Variants in A1CF observed in about 807,000 individuals in gnomAD.
A1CF encodes APOBEC-1 stimulating protein.
In A1CF, 48 loss-of-function variants were observed where a neutral mutation model predicts 68.9. The observed-to-expected ratio is 0.70, with a 90% CI of 0.55 to 0.89. The LOEUF is 0.89. Ranked by LOEUF, A1CF falls within the 40% of genes least tolerant of loss-of-function variation. A1CF has a pLI of 0.00. For missense variants in A1CF, 653 were observed against 718.9 expected (o/e 0.91, Z 1.05); for synonymous variants, 272 against 260.4 (o/e 1.04, Z -0.43).
chr10:50,869,369 TA>T (rs1841145926), intron 1 of A1CF, among the ~76,000 whole-genome samples: 1 of 152,200 alleles, frequency 6.6e-6, no homozygotes, highest in Admixed American at 6.6e-5. Context: ...TAACTCATCT[TA>T]GCCATGACCT....
chr10:50,841,033 T>A (rs571762339), intron 5 of A1CF, among the ~76,000 whole-genome samples: 1 of 152,318 alleles, frequency 6.6e-6, no homozygotes, highest in African/African-American at 2.4e-5. Flanking sequence ...TGTCCAAATC[T>A]AGACAACTGC....
rs114028036 is a variant in A1CF at position 50,855,671 on chromosome 10, C to A, written c.99+4171G>T. 8.5e-3 allele frequency among the ~76,000 whole-genome samples: 1,290 copies of A among 152,016 alleles called. 15 individuals carry two copies. The highest frequency in any genetic ancestry group is 0.03 in the African/African-American group (1,228 of 41,508). ...CTGGGTCACGTTATTAAGTAACTCA[C>A]AAAATTCTATTTTTGATAGCTGTAT... On this transcript the variant is annotated intron_variant, in intron 3 of 12. Transcript: ENST00000373997.
intron 6 of A1CF, among the ~76,000 whole-genome samples, chr10:50,834,915 C>A (rs1033063448): frequency 6.6e-6 from 1 of 151,954 alleles, no homozygotes; most frequent in Non-Finnish European, 1.5e-5. Context: ...GTACAGTTGT[C>A]GATGTTGAAG....
chr10:50,866,842 G>A (rs980416006), intron 1 of A1CF, among the ~76,000 whole-genome samples: 1 of 152,084 alleles, frequency 6.6e-6, no homozygotes, highest in African/African-American at 2.4e-5. Context: ...GGCAGCTAGG[G>A]AAACAGACAA....
chr10:50,829,218 G>C (rs955936174), intron 6 of A1CF, among the ~76,000 whole-genome samples: 1 of 151,798 alleles, frequency 6.6e-6, no homozygotes, highest in South Asian at 2.1e-4. Context: ...CCCCTTTTTT[G>C]TTGTTGTTTT....
At chr10:50,879,326 C>G (rs935078551) in intron 1 of A1CF, among the ~76,000 whole-genome samples, 1 of 152,178 alleles carries the variant, frequency 6.6e-6, no homozygotes, top group South Asian at 2.1e-4. Context: ...TCTTCAGACA[C>G]TAACAGAATT....
chr10:50,823,322 T>C, intron 7 of A1CF, among the ~76,000 whole-genome samples: 1 of 152,164 alleles, frequency 6.6e-6, no homozygotes, highest in Non-Finnish European at 1.5e-5. Context: ...TAATAATTGA[T>C]CCTCATTTGG....
chr10:50,800,137 A>C lies in A1CF; in HGVS notation c.*6592T>G, dbSNP rs1295394706. The C allele has an allele frequency of 6.6e-6, 1 of 152,162 alleles. No homozygotes were observed. Among genetic ancestry groups the C allele is most frequent in the African/African-American group, 2.4e-5 (1 of 41,462 alleles). The allele number at this position is 152,162 out of a possible 1,614,324, so 9.4% of individuals were successfully genotyped here. On this transcript the variant is annotated 3_prime_UTR_variant, in exon 13 of 13. Transcript: ENST00000373997. ...AACACAAATGTATTTAGAAAACAGA[A>C]ATAGTTAATGGCCAAAATGTTTTCA...
intron 1 of A1CF, among the ~76,000 whole-genome samples, chr10:50,865,768 T>A (rs1444573658): frequency 6.6e-6 from 1 of 152,210 alleles, no homozygotes; most frequent in African/African-American, 2.4e-5. Flanking sequence ...TGTGATGCTT[T>A]CTTTCTTTGA....
intron 12 of A1CF, among the ~76,000 whole-genome samples, chr10:50,807,136 A>T: frequency 6.6e-6 from 1 of 152,184 alleles, no homozygotes; most frequent in Non-Finnish European, 1.5e-5. Flanking sequence ...ACTTAAGAGA[A>T]TTAAAGATGC....
At chr10:50,867,362 C>CT (rs1191830081) in intron 1 of A1CF, among the ~76,000 whole-genome samples, 7 of 151,818 alleles carry the variant, frequency 4.6e-5, no homozygotes, top group Non-Finnish European at 1.0e-4. Flanking sequence ...GAATGAAATT[C>CT]TTTTATTTTA....
intron 1 of A1CF, among the ~76,000 whole-genome samples, chr10:50,880,259 C>T (rs1841707881): frequency 6.6e-6 from 1 of 152,180 alleles, no homozygotes; most frequent in African/African-American, 2.4e-5. Flanking sequence ...CACTCCTGCA[C>T]CACTTATTAG....
chr10:50,807,582 A>G (rs1837893942), intron 12 of A1CF, among the ~76,000 whole-genome samples: 1 of 152,196 alleles, frequency 6.6e-6, no homozygotes, highest in African/African-American at 2.4e-5. Context: ...GAACCAAAGT[A>G]TCTGAGAATT....
chr10:50,819,872 A>C (rs932262279), intron 8 of A1CF, among the ~76,000 whole-genome samples: 2 of 152,150 alleles, frequency 1.3e-5, no homozygotes, highest in African/African-American at 4.8e-5. Context: ...CACCACGTTT[A>C]TCTCTCTTTA....
intron 1 of A1CF, among the ~76,000 whole-genome samples, chr10:50,872,737 G>A (rs530552253): frequency 1.3e-4 from 20 of 151,948 alleles, no homozygotes; most frequent in African/African-American, 4.4e-4. Context: ...GGTGTGGGTG[G>A]ATTGTCTGAT....
intron 6 of A1CF, among the ~76,000 whole-genome samples, chr10:50,830,224 G>T (rs569242957): frequency 1.3e-5 from 2 of 152,122 alleles, no homozygotes; most frequent in South Asian, 4.2e-4. Context: ...TCTACACTCT[G>T]CTTATATGAA....
chr10:50,850,747 G>A (rs771032953), intron 3 of A1CF: 52 of 1,613,980 alleles, frequency 3.2e-5, no homozygotes, highest in Non-Finnish European at 3.6e-5. Flanking sequence ...GCTCATGCTC[G>A]CTTCTGGCTC....
At chr10:50,873,568 G>T (rs1288079241) in intron 1 of A1CF, among the ~76,000 whole-genome samples, 2 of 151,882 alleles carry the variant, frequency 1.3e-5, no homozygotes, top group Admixed American at 6.6e-5. Context: ...CTCTTTTGGT[G>T]ACACCCATGG....
At chr10:50,818,260 T>G (rs1226468493) in intron 8 of A1CF, among the ~76,000 whole-genome samples, 1 of 152,158 alleles carries the variant, frequency 6.6e-6, no homozygotes, top group African/African-American at 2.4e-5. Flanking sequence ...TTTTCCTAAA[T>G]TGTAAATGTG....
Sources: gnomAD v4.1 joint callset for allele counts (sites outside exome capture counted in the v4.1 genomes callset) on GRCh38, gnomAD v4.1.1 for gene constraint, MANE v1.5 for transcripts, NCBI Gene and HGNC (gene_info 2026-07-23, HGNC 2026-07-21) for gene names.